Variants in DOCK3 observed in about 807,000 individuals in gnomAD.
The protein encoded by DOCK3 is dedicator of cytokinesis 3.
Under a neutral mutation model 265.6 loss-of-function variants are expected in DOCK3, and 60 were observed. The observed-to-expected ratio is 0.23, with a 90% CI of 0.18 to 0.28. The LOEUF (loss-of-function observed/expected upper bound fraction) is 0.28. Ranked by LOEUF, DOCK3 falls within the 10% of genes least tolerant of loss-of-function variation. DOCK3 has a pLI of 1.00. For synonymous variants in DOCK3, 881 were observed against 938.0 expected, an observed-to-expected ratio of 0.94 and a Z score of 1.11; for missense variants, 1,981 against 2,594.3, an observed-to-expected ratio of 0.76 and a Z score of 5.14.
chr3:51,333,251 C>T lies in DOCK3; in HGVS notation c.3609C>T (p.Tyr1203=). 1 of 1,612,530 alleles carries T rather than the reference C, an allele frequency of 6.2e-7. No homozygotes were observed. Residue 1203 remains tyrosine (Y), a splice_region_variant and synonymous_variant, in exon 35 of 53, where the codon TAC becomes TAT. Transcript: ENST00000266037. ...GCCTCATGGAACGTCTTCTTGACTA[C>T]AGGTATCTTCTCAGCCACCCGCTCC... ...VTRLMERLLD[Y]RDCMKGEETE...
At chr3:50,865,273 C>T (rs964099437) in intron 3 of DOCK3, among the ~76,000 whole-genome samples, 1 of 152,124 alleles carries the variant, frequency 6.6e-6, no homozygotes, top group Non-Finnish European at 1.5e-5. Context: ...TACACATTAA[C>T]CATCTCCACC....
Position 51,229,622 on chromosome 3 carries a change from T to C in DOCK3, c.1917+13T>C, listed in dbSNP as rs375932398. The stretch of plus-strand genomic sequence containing the variant: ...GGAAATTGTTAAGGTATGTCTTCCA[T>C]ATAATTTAAACATACTGCATGAGGA... On this transcript the variant is annotated intron_variant, in intron 19 of 52. Coordinates refer to ENST00000266037, the MANE Select transcript of DOCK3 (RefSeq NM_004947.5). The C allele has an allele frequency of 3.2e-6, 5 of 1,581,572 alleles. No homozygotes were observed. In the African/African-American group the frequency reaches 6.8e-5, roughly 22 times the overall value.
intron 5 of DOCK3, among the ~76,000 whole-genome samples, chr3:50,973,920 G>T (rs2077343417): frequency 7.2e-6 from 1 of 139,032 alleles, no homozygotes; most frequent in African/African-American, 2.7e-5. Context: ...TGTGTTTTTT[G>T]GCTGCATAAA....
intron 7 of DOCK3, among the ~76,000 whole-genome samples, chr3:51,079,101 A>G (rs1198082314): frequency 2.6e-5 from 4 of 152,176 alleles, no homozygotes; most frequent in Non-Finnish European, 5.9e-5. Flanking sequence ...TAACATGTAA[A>G]TCTATTACTG....
chr3:51,032,610 A>C (rs1313535846), intron 5 of DOCK3, among the ~76,000 whole-genome samples: 1 of 152,162 alleles, frequency 6.6e-6, no homozygotes, highest in African/African-American at 2.4e-5. Flanking sequence ...TACTAGATAA[A>C]AATGAAAAAT....
At chr3:51,120,928 A>G (rs2083983672) in intron 9 of DOCK3, among the ~76,000 whole-genome samples, 1 of 152,192 alleles carries the variant, frequency 6.6e-6, no homozygotes, top group Admixed American at 6.5e-5. Context: ...CCGCTGAGCA[A>G]GACTACTTGG....
At chr3:51,273,161 C>CA (rs1226921567) in intron 24 of DOCK3, among the ~76,000 whole-genome samples, 943 of 60,314 alleles carry the variant, frequency 0.016, 6 homozygotes, top group African/African-American at 0.016. Context: ...GACTCTGTCT[C>CA]AAAAAAAAAA....
At chr3:51,222,440 C>T (rs2090141718) in intron 14 of DOCK3, among the ~76,000 whole-genome samples, 1 of 152,196 alleles carries the variant, frequency 6.6e-6, no homozygotes, top group Middle Eastern at 3.2e-3. Flanking sequence ...CTTATGCTTT[C>T]TCCTAGTTCC....
intron 2 of DOCK3, among the ~76,000 whole-genome samples, chr3:50,828,752 C>T (rs748218179): frequency 5.3e-5 from 8 of 151,390 alleles, no homozygotes; most frequent in Admixed American, 6.6e-5. Flanking sequence ...CTCACTCTGT[C>T]GCCCAGGCTG....
chr3:51,278,650 T>A, intron 26 of DOCK3: 1 of 742,808 alleles, frequency 1.3e-6, no homozygotes. Flanking sequence ...TGGCATTTCC[T>A]GGTAACCCAG....
intron 49 of DOCK3, among the ~76,000 whole-genome samples, chr3:51,368,554 G>A (rs561914773): frequency 1.3e-5 from 2 of 152,336 alleles, no homozygotes; most frequent in East Asian, 3.9e-4. Context: ...CAAAGCGGCT[G>A]GGAAGCTCGA....
At chr3:50,888,611 T>C (rs373552876) in intron 3 of DOCK3, among the ~76,000 whole-genome samples, 1 of 152,148 alleles carries the variant, frequency 6.6e-6, no homozygotes, top group South Asian at 2.1e-4. Flanking sequence ...CTTCAAACTA[T>C]ACTACAAGGC....
chr3:50,918,629 T>TGTAGATTCTTTTTAA (rs1297553372), intron 4 of DOCK3, among the ~76,000 whole-genome samples: 61 of 151,638 alleles, frequency 4.0e-4, no homozygotes, highest in Middle Eastern at 3.4e-3. Flanking sequence ...CTTGTAAATT[T>TGTAGATTCTTTTTAA]GTTTAAGTTC....
chr3:50,986,514 G>C (rs374931807), intron 5 of DOCK3, among the ~76,000 whole-genome samples: 2 of 152,138 alleles, frequency 1.3e-5, no homozygotes, highest in East Asian at 3.8e-4. Context: ...ACATTATCCT[G>C]GTACAGGATT....
chr3:51,380,836 G>T (rs1386458271), intron 52 of DOCK3, among the ~76,000 whole-genome samples: 1 of 152,180 alleles, frequency 6.6e-6, no homozygotes, highest in Non-Finnish European at 1.5e-5. Flanking sequence ...GCCAGGGCAG[G>T]GCAATTTTTT....
intron 3 of DOCK3, among the ~76,000 whole-genome samples, chr3:50,885,073 G>A (rs2048259165): frequency 6.6e-6 from 1 of 152,058 alleles, no homozygotes; most frequent in Non-Finnish European, 1.5e-5. Context: ...AGGAACCTTG[G>A]CAACAACTGT....
intron 27 of DOCK3, among the ~76,000 whole-genome samples, chr3:51,283,175 C>A (rs1297494266): frequency 6.6e-6 from 1 of 152,168 alleles, no homozygotes; most frequent in Non-Finnish European, 1.5e-5. Context: ...AAGATCCTTA[C>A]CCACCAGGCA....
In DOCK3 at chr3:50,970,889, TTTTATATATATATATATATA is replaced by T. The variant is rs1271071046; in HGVS notation, c.315+36814_315+36833del. 8.9e-3 allele frequency among the ~76,000 whole-genome samples: 382 copies of T among 42,930 alleles called. 21 individuals are homozygous for T. The highest frequency in any genetic ancestry group is 0.014 in the South Asian group (18 of 1,260). 28.2% of individuals were successfully genotyped at this position (42,930 alleles called of 152,430 possible). ...GCACATACTACCACACTCATCTAAT[TTTTATATATATATATATATA>T]TATATATATATATATATATATATAT... On this transcript the variant is annotated intron_variant, in intron 5 of 52. Transcript: ENST00000266037.
At position 51,293,221 on chromosome 3, in the gene DOCK3, A is replaced by G. The variant is rs969464939; in HGVS notation, c.2922+13017A>G. On this transcript the variant is annotated intron_variant, in intron 27 of 52. Coordinates refer to ENST00000266037, the MANE Select transcript of DOCK3 (RefSeq NM_004947.5). Reference sequence around the variant, plus strand: ...TGGAGGCATCACTCTACCATATTTCAAAGCATATTACAAAACTGTAGTGAT... The same window carrying G: ...TGGAGGCATCACTCTACCATATTTCGAAGCATATTACAAAACTGTAGTGAT... 3.9e-5 allele frequency among the ~76,000 whole-genome samples: 6 copies of G among 152,206 alleles called. No individual in the cohort carries two copies. In the East Asian group the frequency reaches 1.2e-3, roughly 29 times the overall value.
Sources: gnomAD v4.1 joint callset for allele counts (sites outside exome capture counted in the v4.1 genomes callset) on GRCh38, gnomAD v4.1.1 for gene constraint, MANE v1.5 for transcripts, NCBI Gene and HGNC (gene_info 2026-07-23, HGNC 2026-07-21) for gene names.